Variants in NEMF observed in about 807,000 individuals in gnomAD.
NEMF encodes the protein nuclear export mediator factor.
In NEMF, 89 loss-of-function variants were observed where a neutral mutation model predicts 162.2. The observed-to-expected ratio is 0.55, with a 90% confidence interval of 0.46 to 0.65. The LOEUF (loss-of-function observed/expected upper bound fraction) is 0.65, where lower values mean the gene tolerates loss of function less well. Ranked by LOEUF, NEMF falls within the 30% of genes least tolerant of loss-of-function variation. NEMF has a pLI of 0.00. For synonymous variants in NEMF, 421 were observed against 404.5 expected (o/e 1.04, Z -0.49); for missense variants, 1,133 against 1,261.9 (o/e 0.90, Z 1.55).
intron 11 of NEMF, among the ~76,000 whole-genome samples, chr14:49,830,194 C>T (rs1331409885): frequency 6.6e-6 from 1 of 152,086 alleles, no homozygotes; most frequent in Non-Finnish European, 1.5e-5. Context: ...TTAAAACCCA[C>T]AAAATAATTA....
At chr14:49,789,961 G>A (rs1890364037) in intron 26 of NEMF, among the ~76,000 whole-genome samples, 1 of 152,192 alleles carries the variant, frequency 6.6e-6, no homozygotes. Flanking sequence ...GCTAGGCTAG[G>A]CACTTATTCT....
intron 28 of NEMF, 135 bp downstream of exon 28, chr14:49,789,011 A>G: frequency 1.4e-6 from 1 of 710,680 alleles, no homozygotes; most frequent in South Asian, 1.8e-5. Flanking sequence ...TTCAGGTTGT[A>G]TTTCTGGATG....
At chr14:49,784,857 CAAAA>C (rs1223231213) in intron 32 of NEMF, 64 bp downstream of exon 32, 1 of 1,470,050 alleles carries the variant, frequency 6.8e-7, no homozygotes, top group Non-Finnish European at 9.4e-7. Context: ...ACTAAAATAA[CAAAA>C]AACTGCTAAC....
chr14:49,828,720 T>G lies in NEMF; in HGVS notation c.1320A>C (p.Gly440=), dbSNP rs757717426. 1.1e-5 allele frequency: 18 copies of G among 1,604,704 alleles called. No individual in the cohort carries two copies. In the East Asian group the frequency reaches 3.4e-4, roughly 30 times the overall value. Residue 440 remains glycine, a synonymous_variant, in exon 14 of 33, where the codon GGA becomes GGC. Coordinates refer to ENST00000298310, the MANE Select transcript of NEMF (RefSeq NM_004713.6). ...VEKNETEPPK[G]KKKKQKNKQL... The stretch of plus-strand genomic sequence containing the variant: ...GTTTATTCTTTTGTTTTTTCTTTTT[T>G]CCTTTTGGTGGTTCAGTTTCATTTT...
intron 26 of NEMF, among the ~76,000 whole-genome samples, chr14:49,795,454 A>G (rs1005429476): frequency 6.6e-6 from 1 of 152,216 alleles, no homozygotes; most frequent in South Asian, 2.1e-4. Flanking sequence ...AAAATATCTA[A>G]GAACTCTAAC....
rs1014909070 is a variant in NEMF, at chr14:49,789,087, G to C, written c.2895+59C>G. On this transcript the variant is annotated intron_variant, in intron 28 of 32. Coordinates refer to ENST00000298310, the MANE Select transcript of NEMF (RefSeq NM_004713.6). ...TAGCACTGAAAGTCCCATGTCCTGG[G>C]AACTCCAGGATGGGTAATCACCCTA... 126 of 1,350,582 alleles carry C rather than the reference G, an allele frequency of 9.3e-5. 1 individual carries two copies. The highest frequency in any genetic ancestry group is 6.3e-5 in the Non-Finnish European group (60 of 949,410). 83.7% of individuals were successfully genotyped at this position (1,350,582 alleles called of 1,614,324 possible). A position where few individuals can be genotyped will look rare whatever the true frequency, so the allele number is the denominator to read the frequency against.
chr14:49,825,989 T>C, intron 15 of NEMF, 34 bp from the exon 16 acceptor site: 1 of 1,441,986 alleles, frequency 6.9e-7, no homozygotes, highest in Non-Finnish European at 9.6e-7. Flanking sequence ...AAACAATTTG[T>C]TAAGAATGTA....
chr14:49,827,664 T>C (rs1432147225), intron 15 of NEMF, among the ~76,000 whole-genome samples: 1 of 152,098 alleles, frequency 6.6e-6, no homozygotes, highest in Non-Finnish European at 1.5e-5. Context: ...ACTACAAAAA[T>C]TAGCTGGGTG....
chr14:49,803,154 C>T, intron 20 of NEMF, 83 bp downstream of exon 20: 1 of 1,024,580 alleles, frequency 9.8e-7, no homozygotes, highest in Non-Finnish European at 1.5e-6. Flanking sequence ...TGTTTTTGTT[C>T]TAAGAGTATT....
At chr14:49,825,097 G>A (rs1014430001) in intron 16 of NEMF, among the ~76,000 whole-genome samples, 1 of 151,998 alleles carries the variant, frequency 6.6e-6, no homozygotes, top group Non-Finnish European at 1.5e-5. Context: ...ATAACTCCAG[G>A]GAAGATTTTT....
At chr14:49,787,992 T>TAAAC (rs1204070170) in intron 28 of NEMF, among the ~76,000 whole-genome samples, 6 of 152,032 alleles carry the variant, frequency 3.9e-5, no homozygotes, top group African/African-American at 1.2e-4. Context: ...TATTAAAAAA[T>TAAAC]AAACAGGCTG....
chr14:49,818,549 A>T (rs1891836336), intron 16 of NEMF: 1 of 152,224 alleles, frequency 6.6e-6, no homozygotes, highest in African/African-American at 2.4e-5. Flanking sequence ...ACTGGCTGAG[A>T]GTCTGTTCAA....
In NEMF at chr14:49,828,504, C is replaced by A. The variant is rs1892473115; in HGVS notation, c.1424+112G>T. ...AACTAAATTTAAAAAAGTATTTTCA[C>A]CCAAAAAAAGTATGCATGTACAAGT... On this transcript the variant is annotated intron_variant, in intron 14 of 32. Transcript: ENST00000298310. The A allele has an allele frequency of 3.9e-6, 4 of 1,030,428 alleles. No individual in the cohort carries two copies. The East Asian group carries it at 1.0e-4, about 27-fold the overall frequency. The allele number at this position is 1,030,428 out of a possible 1,614,324, so 63.8% of individuals were successfully genotyped here. A position where few individuals can be genotyped will look rare whatever the true frequency, so the allele number is the denominator to read the frequency against.
At chr14:49,815,670 T>C (rs1245926321) in intron 16 of NEMF, among the ~76,000 whole-genome samples, 2 of 152,124 alleles carry the variant, frequency 1.3e-5, no homozygotes, top group Non-Finnish European at 2.9e-5. Flanking sequence ...TTTTTACTTA[T>C]ATAAAAAAGG....
chr14:49,834,407 C>G lies in NEMF; in HGVS notation c.617G>C (p.Gly206Ala), dbSNP rs1355137275. 14 of 1,608,758 alleles carry G rather than the reference C, an allele frequency of 8.7e-6. No individual in the cohort carries two copies. The highest frequency in any genetic ancestry group is 1.1e-5 in the Non-Finnish European group (13 of 1,175,256). ...ATCCACTTTGACATTACCCGAGAAT[C>G]CATTTTCTAAAAGACAGTGTTCAAT... is the stretch of plus-strand genomic sequence containing the variant. Reference protein sequence around the residue: ...ALIEHCLLENGFSGNVKVDEK... With the variant: ...ALIEHCLLENAFSGNVKVDEK... The change falls in exon 7 of 33, where the codon GGA becomes GCA. Residue 206 changes from glycine to alanine, a missense_variant. This residue lies in a region of NEMF where 582 missense variants were observed against 631.5 expected (regional missense o/e 0.92). Coordinates refer to ENST00000298310, the MANE Select transcript of NEMF (RefSeq NM_004713.6).
chr14:49,803,927 A>C (rs1287279450), intron 19 of NEMF, among the ~76,000 whole-genome samples: 4 of 152,324 alleles, frequency 2.6e-5, no homozygotes, highest in African/African-American at 9.6e-5. Flanking sequence ...GCTTATCATA[A>C]AGCTATGTTT....
chr14:49,851,919 G>A (rs1415616962), intron 1 of NEMF, 44 bp from the exon 2 acceptor site: 2 of 1,182,382 alleles, frequency 1.7e-6, no homozygotes, highest in South Asian at 1.4e-5. Flanking sequence ...ACTATTGTCT[G>A]AAACATAAAA....
intron 25 of NEMF, chr14:49,796,269 C>T (rs1201884157): frequency 1.0e-5 from 5 of 479,620 alleles, no homozygotes; most frequent in Admixed American, 9.2e-5. Context: ...AGTCTTTGTA[C>T]CAACATAGCA....
intron 16 of NEMF, among the ~76,000 whole-genome samples, chr14:49,822,301 TAAAATA>T (rs1430942285): frequency 2.6e-5 from 2 of 76,824 alleles, no homozygotes; most frequent in Non-Finnish European, 5.8e-5. Flanking sequence ...AAAAATAAAA[TAAAATA>T]AAAATAAAAG....
Sources: gnomAD v4.1 joint callset for allele counts (sites outside exome capture counted in the v4.1 genomes callset) on GRCh38, gnomAD v4.1.1 for gene constraint, gnomAD v4.1.1 regional missense constraint, MANE v1.5 for transcripts, NCBI Gene and HGNC (gene_info 2026-07-23, HGNC 2026-07-21) for gene names.